TENM2: variants seen among roughly 807,000 people sequenced by gnomAD.
TENM2 encodes teneurin-2.
TENM2 carries 52 observed loss-of-function variants against 245.2 expected under a neutral mutation model. The ratio of observed to expected loss-of-function variants is 0.21; its 90% CI spans 0.17 to 0.27. The LOEUF (loss-of-function observed/expected upper bound fraction) is 0.27. TENM2 is among the 10% of genes least tolerant of loss of function. The probability of loss-of-function intolerance (pLI) is 1.00; values close to 1 mark genes in which losing one functional copy is unlikely to be tolerated. For synonymous variants in TENM2, 1,363 were observed against 1,438.9 expected (o/e 0.95, Z 1.19); for missense variants, 3,046 against 3,666.8 (o/e 0.83, Z 4.37).
At chr5:167,190,569 G>A in the TENM2 span, among the ~76,000 whole-genome samples, 55 of 152,100 alleles carry the variant, frequency 3.6e-4, no homozygotes, top group African/African-American at 1.3e-3. Context: ...GATGTAAAAC[G>A]GGTGTCTAAT....
At chr5:168,170,956 T>C (rs1293511565) in intron 13 of TENM2, among the ~76,000 whole-genome samples, 1 of 152,206 alleles carries the variant, frequency 6.6e-6, no homozygotes, top group Non-Finnish European at 1.5e-5. Context: ...CTCTGACCTG[T>C]CCTCCCCCAT....
In TENM2 at chr5:168,022,267, G is replaced by T. The variant is rs901492749; in HGVS notation, c.1187-25160G>T. Among the ~76,000 whole-genome samples, 7 of 152,330 alleles carry T rather than the reference G, an allele frequency of 4.6e-5. No homozygotes were observed. The East Asian group carries it at 1.4e-3, about 29-fold the overall frequency. On this transcript the variant is annotated intron_variant, in intron 5 of 28. Coordinates refer to ENST00000518659, the Ensembl canonical transcript of TENM2. ...GGAGTTTTCTCTCTGGTATCACTCC[G>T]AGAGTCTCCACATCCCAATTTGCTC...
At chr5:168,044,039 GA>G (rs1014420474) in intron 5 of TENM2, among the ~76,000 whole-genome samples, 5 of 152,300 alleles carry the variant, frequency 3.3e-5, no homozygotes, top group South Asian at 2.1e-4. Context: ...CCTCATCTGT[GA>G]AATGGGGTTG....
chr5:167,335,607 C>T (rs1757709333), intron 1 of TENM2, among the ~76,000 whole-genome samples: 1 of 147,078 alleles, frequency 6.8e-6, no homozygotes, highest in Non-Finnish European at 1.5e-5. Context: ...TGAGACTCAT[C>T]TTTTTTTTTT....
In TENM2 at chr5:168,019,592, T is replaced by G. The variant is rs1785962828; in HGVS notation, c.1186+26410T>G. 1.3e-5 allele frequency among the ~76,000 whole-genome samples: 2 copies of G among 152,126 alleles called. 1 individual carries two copies. Among genetic ancestry groups the G allele is most frequent in the South Asian group, 4.1e-4 (2 of 4,826 alleles). On this transcript the variant is annotated intron_variant, in intron 5 of 28. Coordinates refer to ENST00000518659, the Ensembl canonical transcript of TENM2. ...GCCTTTTGCTCGATACTGGACAGAG[T>G]AACCTGGAGCCAGCCCCTGGGAAAA... is the stretch of plus-strand genomic sequence containing the variant.
the TENM2 span, among the ~76,000 whole-genome samples, chr5:167,261,789 A>G: frequency 6.6e-6 from 1 of 152,162 alleles, no homozygotes; most frequent in Non-Finnish European, 1.5e-5. Context: ...TGCTGAATAT[A>G]TCCTTACTTT....
At chr5:167,344,147 A>G (rs1461066863) in intron 1 of TENM2, among the ~76,000 whole-genome samples, 1 of 148,810 alleles carries the variant, frequency 6.7e-6, no homozygotes, top group African/African-American at 2.4e-5. Context: ...TTATTTATAT[A>G]TTGCTATATG....
chr5:167,810,750 G>C (rs185581501), intron 2 of TENM2, among the ~76,000 whole-genome samples: 19 of 152,246 alleles, frequency 1.2e-4, no homozygotes, highest in Non-Finnish European at 2.1e-4. Flanking sequence ...GGCCACACTT[G>C]TCACAATGGA....
the TENM2 span, among the ~76,000 whole-genome samples, chr5:166,984,909 A>G: frequency 6.6e-6 from 1 of 152,268 alleles, no homozygotes; most frequent in East Asian, 1.9e-4. Context: ...GCTACAGGAA[A>G]GTATATTTTA....
intron 2 of TENM2, among the ~76,000 whole-genome samples, chr5:167,576,766 G>A (rs947776692): frequency 1.3e-5 from 2 of 152,156 alleles, no homozygotes; most frequent in Non-Finnish European, 2.9e-5. Context: ...TTAAAAGCAT[G>A]CAACCTCTAA....
intron 1 of TENM2, among the ~76,000 whole-genome samples, chr5:167,332,947 G>A (rs750204904): frequency 1.1e-4 from 16 of 152,094 alleles, no homozygotes; most frequent in Non-Finnish European, 1.8e-4. Flanking sequence ...GATCCTCAGA[G>A]TTACATGAAA....
chr5:167,683,613 C>T (rs1756883495), intron 2 of TENM2, among the ~76,000 whole-genome samples: 2 of 152,090 alleles, frequency 1.3e-5, no homozygotes, highest in Non-Finnish European at 2.9e-5. Context: ...CCCCAAATAG[C>T]ATGGTTTCTT....
In TENM2 at chr5:167,804,833, G is replaced by GA. The variant is rs566850554; in HGVS notation, c.503-71145dup. On this transcript the variant is annotated intron_variant, in intron 2 of 28. Transcript: ENST00000518659. ...AAGTTGAAAATACATGGCCCTAGGA[G>GA]AAAAAAAAGTAAGCTAACATCATAT... 3.1e-4 allele frequency among the ~76,000 whole-genome samples: 47 copies of GA among 151,774 alleles called. 1 individual carries two copies. In the South Asian group the frequency reaches 9.1e-3, roughly 29 times the overall value.
chr5:167,485,613 G>T (rs1469303259), intron 2 of TENM2, among the ~76,000 whole-genome samples: 1 of 152,238 alleles, frequency 6.6e-6, no homozygotes, highest in East Asian at 1.9e-4. Context: ...GCTACTGAGA[G>T]ATCGTCTCAT....
chr5:167,069,580 C>T, the TENM2 span, among the ~76,000 whole-genome samples: 1 of 152,042 alleles, frequency 6.6e-6, no homozygotes, highest in Non-Finnish European at 1.5e-5. Context: ...TTCCAATAGA[C>T]AAAAAGCTTT....
intron 2 of TENM2, among the ~76,000 whole-genome samples, chr5:167,665,408 T>C (rs937756109): frequency 9.2e-5 from 14 of 151,974 alleles, no homozygotes; most frequent in Non-Finnish European, 1.9e-4. Flanking sequence ...TTAAAACATC[T>C]GGAGGCTGAG....
At chr5:168,007,450 GT>G (rs1784911213) in intron 5 of TENM2, among the ~76,000 whole-genome samples, 3 of 152,176 alleles carry the variant, frequency 2.0e-5, no homozygotes, top group Admixed American at 2.0e-4. Flanking sequence ...CTTCAAAGGA[GT>G]GAGATGTGTA....
At chr5:167,438,285 C>A (rs1199286162) in intron 2 of TENM2, among the ~76,000 whole-genome samples, 2 of 152,152 alleles carry the variant, frequency 1.3e-5, no homozygotes, top group East Asian at 1.9e-4. Context: ...TTATGGAATG[C>A]CTATCGCCTC....
At chr5:167,640,892 T>TCC (rs1224894269) in intron 2 of TENM2, among the ~76,000 whole-genome samples, 1 of 96,244 alleles carries the variant, frequency 1.0e-5, no homozygotes, top group African/African-American at 4.2e-5. Flanking sequence ...TATATATATA[T>TCC]ATATATATAT....
Sources: allele counts gnomAD v4.1 joint callset (sites outside exome capture counted in the v4.1 genomes callset), GRCh38; gene constraint gnomAD v4.1.1; transcripts MANE v1.5; gene names NCBI Gene and HGNC (gene_info 2026-07-23, HGNC 2026-07-21).